Variants in PALLD observed in about 807,000 individuals in gnomAD.
PALLD encodes the protein palladin, cytoskeletal associated protein, also known as palladin.
A neutral mutation model predicts 123.5 loss-of-function variants in PALLD; 61 were observed. That is an observed-to-expected ratio of 0.49 (90% CI 0.40 to 0.61). The LOEUF (loss-of-function observed/expected upper bound fraction) is 0.61, where lower values mean the gene tolerates loss of function less well. Among genes scored for constraint, PALLD ranks in the 20% least tolerant of loss-of-function variants. The probability of loss-of-function intolerance (pLI) is 0.00; values close to 1 mark genes in which losing one functional copy is unlikely to be tolerated. For synonymous variants in PALLD, 465 were observed against 496.4 expected (o/e 0.94, Z 0.84); for missense variants, 1,273 against 1,377.0 (o/e 0.92, Z 1.20).
chr4:168,879,247 T>C (rs1752285117), intron 10 of PALLD, among the ~76,000 whole-genome samples: 1 of 152,188 alleles, frequency 6.6e-6, no homozygotes, highest in African/African-American at 2.4e-5. Context: ...TGGAAAATCT[T>C]TGAGGATAAA....
intron 10 of PALLD, among the ~76,000 whole-genome samples, chr4:168,713,924 G>A (rs1244033372): frequency 3.7e-5 from 4 of 108,696 alleles, no homozygotes; most frequent in African/African-American, 1.4e-4. Flanking sequence ...ACATTTACTT[G>A]TACTAGGTTT....
At chr4:168,627,019 G>T (rs1032120256) in intron 2 of PALLD, among the ~76,000 whole-genome samples, 1 of 152,154 alleles carries the variant, frequency 6.6e-6, no homozygotes, top group African/African-American at 2.4e-5. Context: ...GAGATCTTTT[G>T]TACAACAGCA....
chr4:168,577,555 A>G (rs1193201572), intron 2 of PALLD, among the ~76,000 whole-genome samples: 1 of 152,196 alleles, frequency 6.6e-6, no homozygotes, highest in African/African-American at 2.4e-5. Context: ...GGAAGGATTT[A>G]AAATATATCA....
At chr4:168,668,802 G>A (rs1779902538) in intron 3 of PALLD, among the ~76,000 whole-genome samples, 1 of 152,042 alleles carries the variant, frequency 6.6e-6, no homozygotes, top group African/African-American at 2.4e-5. Context: ...TGTCTCTTTT[G>A]TTAAGACCCC....
chr4:168,829,539 T>A (rs1743901522), intron 10 of PALLD, among the ~76,000 whole-genome samples: 1 of 152,174 alleles, frequency 6.6e-6, no homozygotes, highest in Non-Finnish European at 1.5e-5. Flanking sequence ...TAAAAATCCA[T>A]CAGATTAATC....
intron 10 of PALLD, among the ~76,000 whole-genome samples, chr4:168,732,497 T>G (rs1787276189): frequency 6.6e-6 from 1 of 152,166 alleles, no homozygotes; most frequent in Non-Finnish European, 1.5e-5. Flanking sequence ...TGTTTCCTCT[T>G]AGGCAAGAGA....
chr4:168,604,001 C>T (rs1445281121), intron 2 of PALLD, among the ~76,000 whole-genome samples: 1 of 152,100 alleles, frequency 6.6e-6, no homozygotes, highest in Non-Finnish European at 1.5e-5. Context: ...TGGTATTAAT[C>T]GTGAAACATA....
intron 10 of PALLD, among the ~76,000 whole-genome samples, chr4:168,823,488 TG>T (rs1009812783): frequency 1.3e-5 from 2 of 152,048 alleles, no homozygotes; most frequent in African/African-American, 4.8e-5. Context: ...GAGACCAGAC[TG>T]GGCAACGTGG....
intron 8 of PALLD, among the ~76,000 whole-genome samples, chr4:168,694,463 C>T (rs1192452949): frequency 6.6e-6 from 1 of 152,072 alleles, no homozygotes; most frequent in Admixed American, 6.6e-5. Context: ...TCTCCCCTCA[C>T]CTCCTTCATT....
chr4:168,622,009 C>G (rs1774809873), intron 2 of PALLD, among the ~76,000 whole-genome samples: 1 of 152,190 alleles, frequency 6.6e-6, no homozygotes, highest in Admixed American at 6.5e-5. Context: ...TCATTGTAAA[C>G]AGATGGTGCT....
At chr4:168,601,239 C>T (rs1772614647) in intron 2 of PALLD, among the ~76,000 whole-genome samples, 2 of 151,778 alleles carry the variant, frequency 1.3e-5, no homozygotes, top group African/African-American at 4.8e-5. Flanking sequence ...TCTCTCACAT[C>T]CCGGGAGACT....
intron 10 of PALLD, among the ~76,000 whole-genome samples, chr4:168,824,752 G>A (rs910200768): frequency 2.7e-5 from 4 of 150,532 alleles, no homozygotes. Flanking sequence ...CCTGTAACAG[G>A]CAATATCAAT....
At chr4:168,598,893 G>A (rs1414988493) in intron 2 of PALLD, 2 of 160,896 alleles carry the variant, frequency 1.2e-5, no homozygotes, top group Admixed American at 1.3e-4. Context: ...TATTGCCTTG[G>A]TTTCATATTT....
At chr4:168,853,478 G>A (rs1452860919) in intron 10 of PALLD, among the ~76,000 whole-genome samples, 2 of 152,114 alleles carry the variant, frequency 1.3e-5, no homozygotes, top group Non-Finnish European at 2.9e-5. Context: ...TGTGGCAGAT[G>A]CTGCGAAAAA....
chr4:168,878,856 A>G (rs940868840), intron 10 of PALLD, among the ~76,000 whole-genome samples: 1 of 152,192 alleles, frequency 6.6e-6, no homozygotes, highest in African/African-American at 2.4e-5. Flanking sequence ...CGAGACACGA[A>G]TCCATGCTCT....
At chr4:168,516,916 T>C (rs1763041700) in intron 2 of PALLD, among the ~76,000 whole-genome samples, 1 of 152,212 alleles carries the variant, frequency 6.6e-6, no homozygotes, top group Non-Finnish European at 1.5e-5. Flanking sequence ...TTAATCATGG[T>C]CAATCAACAG....
chr4:168,687,851 C>G (rs1031627335), intron 6 of PALLD, among the ~76,000 whole-genome samples: 4 of 152,172 alleles, frequency 2.6e-5, no homozygotes, highest in African/African-American at 9.7e-5. Context: ...TAAACCAAAA[C>G]TCTGTTCTTT....
chr4:168,846,173 A>G (rs528800439), intron 10 of PALLD, among the ~76,000 whole-genome samples: 199 of 152,274 alleles, frequency 1.3e-3, no homozygotes, highest in African/African-American at 4.7e-3. Context: ...ACGCTTTACT[A>G]TTTTCATTCT....
At chr4:168,742,266 A>G (rs1581233224) in intron 10 of PALLD, among the ~76,000 whole-genome samples, 1 of 152,126 alleles carries the variant, frequency 6.6e-6, no homozygotes, top group Admixed American at 6.5e-5. Flanking sequence ...GAACAAATCC[A>G]TCTTTTTTAT....
Sources: allele counts gnomAD v4.1 joint callset (sites outside exome capture counted in the v4.1 genomes callset), GRCh38; gene constraint gnomAD v4.1.1; transcripts MANE v1.5; gene names NCBI Gene and HGNC (gene_info 2026-07-23, HGNC 2026-07-21).